The following SPG21 variants were observed in gnomAD, a reference collection of about 807,000 sequenced individuals.
The protein encoded by SPG21 is maspardin.
In SPG21, 26 loss-of-function variants were observed where a neutral mutation model predicts 38.9. That is an observed-to-expected ratio of 0.67 (90% CI 0.49 to 0.93). The LOEUF (loss-of-function observed/expected upper bound fraction) is 0.93. SPG21 is among the 40% of genes least tolerant of loss of function. The pLI is 0.00. For synonymous variants in SPG21, 136 were observed against 128.9 expected, an observed-to-expected ratio of 1.05 and a Z score of -0.37; for missense variants, 333 against 376.5, an observed-to-expected ratio of 0.88 and a Z score of 0.96.
chr15:64,965,561 T>A, intron 7 of SPG21, 101 bp from the exon 8 acceptor site: 1 of 1,548,872 alleles, frequency 6.5e-7, no homozygotes, highest in Non-Finnish European at 8.9e-7. Flanking sequence ...TCTTTTCACA[T>A]TATGGAAATG....
intron 3 of SPG21, among the ~76,000 whole-genome samples, chr15:64,976,976 T>C (rs1186579642): frequency 1.3e-5 from 2 of 152,216 alleles, no homozygotes; most frequent in Admixed American, 1.3e-4. Context: ...TTCCTCTCTT[T>C]TTGGTAGCAT....
At chr15:64,985,374 T>C (rs2085971163) in intron 1 of SPG21, among the ~76,000 whole-genome samples, 1 of 152,208 alleles carries the variant, frequency 6.6e-6, no homozygotes, top group Admixed American at 6.5e-5. Context: ...ATTGAACGAA[T>C]AACTACATTC....
At chr15:64,985,024 C>T (rs1268074612) in intron 1 of SPG21, among the ~76,000 whole-genome samples, 1 of 152,208 alleles carries the variant, frequency 6.6e-6, no homozygotes. Flanking sequence ...GCTGGGATTA[C>T]AGGCATGAGC....
At chr15:64,975,670 T>C (rs2085760162) in intron 4 of SPG21, among the ~76,000 whole-genome samples, 1 of 152,184 alleles carries the variant, frequency 6.6e-6, no homozygotes, top group Admixed American at 6.5e-5. Flanking sequence ...TGAATGTTCA[T>C]GGCAGCATTA....
chr15:64,976,214 C>T (rs1410633270), intron 4 of SPG21, among the ~76,000 whole-genome samples: 1 of 152,132 alleles, frequency 6.6e-6, no homozygotes, highest in African/African-American at 2.4e-5. Context: ...CACTTGAGGT[C>T]AGGAGTTTGA....
chr15:64,963,762 T>C (rs1178256486), intron 8 of SPG21, 26 bp from the exon 9 acceptor site: 3 of 1,602,502 alleles, frequency 1.9e-6, no homozygotes. Context: ...ATCATTATTT[T>C]ATTTATTTTT....
At chr15:64,978,311 T>C (rs2085825074) in intron 3 of SPG21, among the ~76,000 whole-genome samples, 1 of 151,866 alleles carries the variant, frequency 6.6e-6, no homozygotes, top group South Asian at 2.1e-4. Flanking sequence ...TAGCCAGGCA[T>C]GGTGACAGGC....
chr15:64,983,985 T>C (rs1328055056), intron 1 of SPG21, among the ~76,000 whole-genome samples: 3 of 152,178 alleles, frequency 2.0e-5, no homozygotes, highest in African/African-American at 7.2e-5. Context: ...GGGTTCACCA[T>C]GTTGGCCAGG....
At chr15:64,966,286 T>C (rs954068810) in intron 7 of SPG21, among the ~76,000 whole-genome samples, 4 of 152,164 alleles carry the variant, frequency 2.6e-5, no homozygotes, top group African/African-American at 9.7e-5. Flanking sequence ...CCCATACACA[T>C]TTACGTTTTT....
intron 7 of SPG21, among the ~76,000 whole-genome samples, chr15:64,966,164 TA>T (rs1306899144): frequency 6.6e-6 from 1 of 152,110 alleles, no homozygotes; most frequent in African/African-American, 2.4e-5. Flanking sequence ...TTTAAAGCAA[TA>T]AACTAAGTCA....
intron 5 of SPG21, among the ~76,000 whole-genome samples, chr15:64,974,350 C>G (rs926669787): frequency 6.6e-6 from 1 of 151,874 alleles, no homozygotes; most frequent in Non-Finnish European, 1.5e-5. Context: ...GCATGCCTGC[C>G]TGTAGTTCCA....
intron 2 of SPG21, among the ~76,000 whole-genome samples, chr15:64,981,984 C>A (rs1338614103): frequency 2.0e-5 from 3 of 152,138 alleles, no homozygotes; most frequent in Admixed American, 2.0e-4. Flanking sequence ...TAACCAGGGT[C>A]ACTGGCATCA....
chr15:64,984,702 C>A (rs564769462), intron 1 of SPG21, among the ~76,000 whole-genome samples: 1 of 152,048 alleles, frequency 6.6e-6, no homozygotes, highest in East Asian at 1.9e-4. Context: ...TCGCAATACA[C>A]CATAAATCTA....
intron 5 of SPG21, among the ~76,000 whole-genome samples, chr15:64,973,521 G>A (rs1429486849): frequency 1.3e-5 from 2 of 151,594 alleles, no homozygotes; most frequent in Admixed American, 6.6e-5. Flanking sequence ...GCGTGATCTC[G>A]GCTCACCACA....
intron 5 of SPG21, among the ~76,000 whole-genome samples, chr15:64,973,520 C>T (rs771956742): frequency 4.1e-4 from 63 of 151,830 alleles, no homozygotes; most frequent in Admixed American, 3.0e-3. Context: ...GGCGTGATCT[C>T]GGCTCACCAC....
chr15:64,968,495 T>C (rs2085592455), intron 7 of SPG21, among the ~76,000 whole-genome samples: 1 of 152,152 alleles, frequency 6.6e-6, no homozygotes, highest in South Asian at 2.1e-4. Flanking sequence ...TAGGTAAATT[T>C]TTATAGACAG....
chr15:64,973,599 G>A (rs2085715327), intron 5 of SPG21, among the ~76,000 whole-genome samples: 1 of 152,096 alleles, frequency 6.6e-6, no homozygotes, highest in South Asian at 2.1e-4. Flanking sequence ...TTATAGGCAT[G>A]TGCCACCTTG....
chr15:64,989,290 GAA>G (rs1276241932), intron 1 of SPG21: 1 of 151,852 alleles, frequency 6.6e-6, no homozygotes, highest in African/African-American at 2.4e-5. Context: ...AAAAAAAAAA[GAA>G]AGAAAGAAAG....
chr15:64,979,241 G>T (rs530844257), intron 3 of SPG21, among the ~76,000 whole-genome samples: 1 of 152,152 alleles, frequency 6.6e-6, no homozygotes, highest in Non-Finnish European at 1.5e-5. Flanking sequence ...TGCCACTGTG[G>T]AGCGAGAAAC....
Sources: allele counts gnomAD v4.1 joint callset (sites outside exome capture counted in the v4.1 genomes callset), GRCh38; gene constraint gnomAD v4.1.1; transcripts MANE v1.5; gene names NCBI Gene and HGNC (gene_info 2026-07-23, HGNC 2026-07-21).